Variants in CAPN9 observed in about 807,000 individuals in gnomAD.
CAPN9 encodes the protein calpain-9.
A neutral mutation model predicts 92.8 loss-of-function variants in CAPN9; 81 were observed. The observed-to-expected ratio is 0.87, with a 90% CI of 0.73 to 1.05. The LOEUF is 1.05. CAPN9 is among the 50% of genes least tolerant of loss of function. The pLI is 0.00. For synonymous variants in CAPN9, 304 were observed against 328.0 expected, an observed-to-expected ratio of 0.93 and a Z score of 0.79; for missense variants, 848 against 866.2, an observed-to-expected ratio of 0.98 and a Z score of 0.26.
intron 9 of CAPN9, 92 bp from the exon 10 acceptor site, chr1:230,780,087 T>A: frequency 7.7e-6 from 1 of 129,832 alleles, no homozygotes; most frequent in Non-Finnish European, 1.5e-5. Context: ...TGTGCGTGTG[T>A]GTGTGTGTGT....
At chr1:230,781,116 G>A (rs996930899) in intron 11 of CAPN9, among the ~76,000 whole-genome samples, 5 of 152,034 alleles carry the variant, frequency 3.3e-5, no homozygotes, top group Admixed American at 6.6e-5. Flanking sequence ...TGATCCACCC[G>A]CCTCAGCCTC....
In CAPN9 at chr1:230,791,873, TCA is replaced by T; in HGVS notation, c.1668_1669del (p.Lys557IlefsTer10). 2.5e-6 allele frequency: 4 copies of T among 1,613,350 alleles called. No individual in the cohort carries two copies. The highest frequency in any genetic ancestry group is 3.4e-6 in the Non-Finnish European group (4 of 1,179,288). On this transcript the variant is annotated frameshift_variant, in exon 15 of 20. Coordinates refer to ENST00000271971, the MANE Select transcript of CAPN9 (RefSeq NM_006615.3). LOFTEE classifies it high-confidence loss of function. ...TCATGTGCAATTTCAGAAAAGGACA[TCA>T]AATTCAAGAAGCTAAGCCTGATCTC...
Position 230,788,467 on chromosome 1 carries a change from G to A in CAPN9, c.1599+865G>A, listed in dbSNP as rs182573611. ...TCTCTTGGAGCCATAAATACAATGA[G>A]CTGATGAACTAATTCATGTCAAGGT... On this transcript the variant is annotated intron_variant, in intron 13 of 19. Coordinates refer to ENST00000271971, the MANE Select transcript of CAPN9 (RefSeq NM_006615.3). Among the ~76,000 whole-genome samples, 401 of 152,248 alleles carry A rather than the reference G, an allele frequency of 2.6e-3. 2 individuals carry two copies. Among genetic ancestry groups the A allele is most frequent in the African/African-American group, 8.8e-3 (364 of 41,530 alleles).
In CAPN9 at chr1:230,793,894, G is replaced by A. The variant is rs541483013; in HGVS notation, c.1870+966G>A. On this transcript the variant is annotated intron_variant, in intron 17 of 19. Transcript: ENST00000271971. Reference sequence around the variant, plus strand: ...GGGGACAAAGGGAGCACTCAGAGAGGAGGGGCATGGCTGTGTCTTTCCTAC... The same window carrying A: ...GGGGACAAAGGGAGCACTCAGAGAGAAGGGGCATGGCTGTGTCTTTCCTAC... Among the ~76,000 whole-genome samples the A allele has an allele frequency of 3.9e-5, 6 of 152,310 alleles. No individual in the cohort carries two copies. In the South Asian group the frequency reaches 1.2e-3, roughly 32 times the overall value.
chr1:230,759,745 A>C, intron 3 of CAPN9, 115 bp downstream of exon 3: 2 of 648,206 alleles, frequency 3.1e-6, no homozygotes, highest in Non-Finnish European at 5.3e-6. Context: ...TCTGTGTGAC[A>C]TATGGTCCTA....
intron 1 of CAPN9, among the ~76,000 whole-genome samples, chr1:230,748,724 C>T (rs374871651): frequency 3.9e-5 from 6 of 152,248 alleles, no homozygotes; most frequent in African/African-American, 1.2e-4. Context: ...ATTATTAGCT[C>T]TGAGTCTCAT....
intron 6 of CAPN9, among the ~76,000 whole-genome samples, chr1:230,769,997 G>A (rs1245101953): frequency 6.6e-6 from 1 of 152,120 alleles, no homozygotes; most frequent in Non-Finnish European, 1.5e-5. Context: ...AAGACTTCTG[G>A]TCAATGGTAG....
At chr1:230,759,314 T>C (rs1379638883) in intron 2 of CAPN9, among the ~76,000 whole-genome samples, 198 bp from the exon 3 acceptor site, 1 of 152,202 alleles carries the variant, frequency 6.6e-6, no homozygotes, top group Non-Finnish European at 1.5e-5. Context: ...CAGCTGTTTA[T>C]GATAGACGGG....
chr1:230,748,705 A>G (rs927324715), intron 1 of CAPN9, among the ~76,000 whole-genome samples: 7 of 152,204 alleles, frequency 4.6e-5, no homozygotes, highest in African/African-American at 1.7e-4. Context: ...TATTATCATC[A>G]TTACAATGAT....
chr1:230,761,864 C>T (rs1382441243), intron 3 of CAPN9, among the ~76,000 whole-genome samples: 1 of 152,210 alleles, frequency 6.6e-6, no homozygotes, highest in African/African-American at 2.4e-5. Context: ...GCAGACCACA[C>T]ACAAGCTCAT....
intron 18 of CAPN9, 100 bp downstream of exon 18, chr1:230,795,379 T>G: frequency 1.4e-6 from 1 of 712,294 alleles, no homozygotes. Flanking sequence ...ATGGCAAAGA[T>G]AGACCACAGA....
intron 19 of CAPN9, 90 bp from the exon 20 acceptor site, chr1:230,801,480 G>A: frequency 1.6e-6 from 2 of 1,212,670 alleles, no homozygotes; most frequent in Non-Finnish European, 2.5e-6. Flanking sequence ...GATCTCCTGT[G>A]ATATCAGCAA....
Position 230,779,027 on chromosome 1 carries a change from C to T in CAPN9, c.1008C>T (p.Leu336=), listed in dbSNP as rs1302938529. Residue 336 remains leucine (L), a synonymous_variant, in exon 9 of 20, where the codon CTC becomes CTT. Coordinates refer to ENST00000271971, the MANE Select transcript of CAPN9 (RefSeq NM_006615.3). ...TTGATAAAGTGGAGATCTGCAACCT[C>T]ACTCCCGATGCCCTGGAGGAAGACG... ...AHFDKVEICN[L]TPDALEEDAI... is the part of the protein sequence containing the mutation. The T allele has an allele frequency of 6.2e-7, 1 of 1,613,622 alleles. No homozygotes were observed. The highest frequency in any genetic ancestry group is 8.5e-7 in the Non-Finnish European group (1 of 1,179,870).
At position 230,762,748 on chromosome 1, in the gene CAPN9, C is replaced by T. The variant is rs2282319; in HGVS notation, c.498C>T (p.Asn166=). 590,046 of 1,613,448 alleles carry T rather than the reference C, an allele frequency of 0.37. 111,527 individuals carry two copies. The highest frequency in any genetic ancestry group is 0.47 in the East Asian group (21,081 of 44,840). The change falls in exon 4 of 20, where the codon AAC becomes AAT. Residue 166 remains asparagine (N), a synonymous_variant. Transcript: ENST00000271971. ...TTTTCCTCCACTCTGCCGACCACAA[C>T]GAGTTCTGGAGCGCCTTGCTGGAAA... The part of the protein sequence containing the change: ...RLVFLHSADH[N]EFWSALLEKA...
rs1275542783 is a variant in CAPN9, at chr1:230,800,231, G to GAAAA, written c.2047-1337_2047-1336insAAAA. 2.4e-3 allele frequency among the ~76,000 whole-genome samples: 126 copies of GAAAA among 51,502 alleles called. 10 individuals carry two copies. Among genetic ancestry groups the GAAAA allele is most frequent in the African/African-American group, 4.2e-3 (55 of 13,228 alleles). 33.8% of individuals were successfully genotyped at this position (51,502 alleles called of 152,430 possible). On this transcript the variant is annotated intron_variant, in intron 19 of 19. Coordinates refer to ENST00000271971, the MANE Select transcript of CAPN9 (RefSeq NM_006615.3). ...AAAAGAAAGAAAAATAAGAAAGAAA[G>GAAAA]AAGAAAGAAAGAAAGAAAGAAAGAA... is the stretch of plus-strand genomic sequence containing the variant.
chr1:230,777,017 C>G (rs1425404449), intron 8 of CAPN9: 1 of 152,142 alleles, frequency 6.6e-6, no homozygotes, highest in African/African-American at 2.4e-5. Flanking sequence ...TACAGATAAA[C>G]TTTGAATTTT....
At chr1:230,777,766 G>T (rs28359679) in intron 8 of CAPN9, among the ~76,000 whole-genome samples, 1 of 151,938 alleles carries the variant, frequency 6.6e-6, no homozygotes, top group African/African-American at 2.4e-5. Context: ...AGCCCTTGAC[G>T]TGCTGGATTG....
rs750828113 is a variant in CAPN9 at position 230,780,334 on chromosome 1, G to C, written c.1270G>C (p.Glu424Gln). Reference sequence around the variant, plus strand: ...GCTGACAATCGGCTATGCCATTTATGAGGTAGGTGGGAACCACACTGCATT... The same window carrying C: ...GCTGACAATCGGCTATGCCATTTATCAGGTAGGTGGGAACCACACTGCATT... ...NVLTIGYAIY[E>Q]CPDKDEHLNK... Residue 424 changes from glutamate to glutamine, a missense_variant and splice_region_variant, in exon 10 of 20, where the codon GAG (glutamate) becomes CAG (glutamine). Glu to Gln is a conservative substitution (Grantham distance 29, BLOSUM62 2). Transcript: ENST00000271971. The C allele has an allele frequency of 1.9e-6, 3 of 1,613,836 alleles. No homozygotes were observed. Among genetic ancestry groups the C allele is most frequent in the African/African-American group, 1.3e-5 (1 of 74,996 alleles).
intron 7 of CAPN9, among the ~76,000 whole-genome samples, chr1:230,774,066 G>T (rs973982092): frequency 1.3e-5 from 2 of 152,166 alleles, no homozygotes; most frequent in Non-Finnish European, 2.9e-5. Context: ...TGCCAGCGAG[G>T]TCACATACAA....
Sources: gnomAD v4.1 joint callset for allele counts (sites outside exome capture counted in the v4.1 genomes callset) on GRCh38, gnomAD v4.1.1 for gene constraint, MANE v1.5 for transcripts, NCBI Gene and HGNC (gene_info 2026-07-23, HGNC 2026-07-21) for gene names.